PTCD1: variants seen among roughly 807,000 people sequenced by gnomAD.
PTCD1 encodes pentatricopeptide repeat-containing protein 1, mitochondrial.
A neutral mutation model predicts 53.4 loss-of-function variants in PTCD1; 50 were observed. The ratio of observed to expected loss-of-function variants is 0.94; its 90% CI spans 0.75 to 1.19. PTCD1 has a LOEUF of 1.19. Among genes scored for constraint, PTCD1 ranks in the 50% most tolerant of loss-of-function variants. The probability of loss-of-function intolerance (pLI) is 0.00; values close to 1 mark genes in which losing one functional copy is unlikely to be tolerated. For synonymous variants in PTCD1, 413 were observed against 394.8 expected, an observed-to-expected ratio of 1.05 and a Z score of -0.55; for missense variants, 918 against 904.8, an observed-to-expected ratio of 1.01 and a Z score of -0.19.
chr7:99,425,312 G>C lies in PTCD1; in HGVS notation c.1220C>G (p.Pro407Arg). The C allele has an allele frequency of 6.2e-7, 1 of 1,614,154 alleles. No homozygotes were observed. The highest frequency in any genetic ancestry group is 8.5e-7 in the Non-Finnish European group (1 of 1,180,026). ...GPPEPPEARVPGKAQPEVDTK... is the reference protein window; with the variant it reads ...GPPEPPEARVRGKAQPEVDTK... ...ATCCACCTCTGGTTGGGCCTTGCCG[G>C]GCACTCTGGCTTCCGGAGGCTCTGG... Residue 407 changes from proline to arginine, a missense_variant, in exon 6 of 8, where the codon CCC becomes CGC. By Grantham distance (103) the Pro-to-Arg change is moderately radical. Transcript: ENST00000292478.
chr7:99,437,691 C>T (rs754083407), intron 1 of PTCD1, among the ~76,000 whole-genome samples: 5 of 151,904 alleles, frequency 3.3e-5, no homozygotes, highest in African/African-American at 4.8e-5. Flanking sequence ...GGTTTTTTTG[C>T]GTCTCACTCT....
intron 5 of PTCD1, among the ~76,000 whole-genome samples, chr7:99,427,653 G>A (rs1418962054): frequency 2.0e-5 from 3 of 152,152 alleles, no homozygotes; most frequent in African/African-American, 7.2e-5. Flanking sequence ...GCGGTTTTGT[G>A]GAATAGAAAG....
chr7:99,427,580 G>C (rs1398682617), intron 5 of PTCD1, among the ~76,000 whole-genome samples: 1 of 152,152 alleles, frequency 6.6e-6, no homozygotes. Context: ...CCCTCTGCCC[G>C]GCCACCACCC....
chr7:99,431,370 C>T (rs934140337), intron 3 of PTCD1, among the ~76,000 whole-genome samples: 8 of 152,014 alleles, frequency 5.3e-5, no homozygotes, highest in Non-Finnish European at 8.8e-5. Flanking sequence ...CCTCGTGATC[C>T]GCCCACTTTG....
At chr7:99,431,526 G>A (rs1325306293) in intron 3 of PTCD1, among the ~76,000 whole-genome samples, 1 of 152,156 alleles carries the variant, frequency 6.6e-6, no homozygotes, top group Non-Finnish European at 1.5e-5. Flanking sequence ...TGGACCACTT[G>A]AGGTCAAGAG....
chr7:99,429,862 A>T, intron 3 of PTCD1, 56 bp from the exon 4 acceptor site: 1 of 1,602,678 alleles, frequency 6.2e-7, no homozygotes, highest in Non-Finnish European at 8.5e-7. Flanking sequence ...CGCACAGGTG[A>T]GCAGCTGCCC....
chr7:99,417,855 T>C lies in PTCD1; in HGVS notation c.*2112A>G, dbSNP rs1790786040. On this transcript the variant is annotated 3_prime_UTR_variant, in exon 8 of 8. Coordinates refer to ENST00000292478, the MANE Select transcript of PTCD1 (RefSeq NM_015545.4). ...TGAACCCCTTTCCTCACTTAGGAAATGGTGGTGGGGAGCCCTAATCCCAAG... is the reference window on the plus strand; with the variant it reads ...TGAACCCCTTTCCTCACTTAGGAAACGGTGGTGGGGAGCCCTAATCCCAAG... The C allele has an allele frequency of 1.4e-6, 2 of 1,419,540 alleles. No homozygotes were observed. The highest frequency in any genetic ancestry group is 2.8e-5 in the South Asian group (2 of 71,076). The allele number at this position is 1,419,540 out of a possible 1,614,324, so 87.9% of individuals were successfully genotyped here. A position where few individuals can be genotyped will look rare whatever the true frequency, so the allele number is the denominator to read the frequency against.
At chr7:99,433,569 G>T in intron 2 of PTCD1, 151 bp from the exon 3 acceptor site, 1 of 1,476,562 alleles carries the variant, frequency 6.8e-7, no homozygotes, top group Non-Finnish European at 9.2e-7. Flanking sequence ...AGCTGTTTCT[G>T]CCCCATCCCT....
chr7:99,420,689 G>T (rs1230045021), intron 7 of PTCD1, among the ~76,000 whole-genome samples: 1 of 152,258 alleles, frequency 6.6e-6, no homozygotes, highest in East Asian at 1.9e-4. Context: ...GGGTGCGGTG[G>T]CTCACGTCTG....
intron 7 of PTCD1, 59 bp downstream of exon 7, chr7:99,423,716 G>A (rs193284423): frequency 6.2e-7 from 1 of 1,609,676 alleles, no homozygotes; most frequent in Admixed American, 1.7e-5. Flanking sequence ...GTTGGGTGGT[G>A]GGGGGAGGGG....
At position 99,422,332 on chromosome 7, in the gene PTCD1, C is replaced by T. The variant is rs10235168; in HGVS notation, c.1920+1443G>A. 8.1e-3 allele frequency among the ~76,000 whole-genome samples: 1,241 copies of T among 152,296 alleles called. 13 individuals are homozygous for T. Among genetic ancestry groups the T allele is most frequent in the African/African-American group, 0.028 (1,166 of 41,548 alleles). ...GCCCATTTACTTGTTTCCGCCCCAT[C>T]CGGGCTGTGCTTCAAGCCATAGTGG... On this transcript the variant is annotated intron_variant, in intron 7 of 7. Transcript: ENST00000292478.
At chr7:99,432,607 CG>C (rs1216383658) in intron 3 of PTCD1, among the ~76,000 whole-genome samples, 3 of 152,194 alleles carry the variant, frequency 2.0e-5, no homozygotes, top group African/African-American at 7.2e-5. Flanking sequence ...CCTCCGTATG[CG>C]CAGGTCCTCC....
rs1342573919 is a variant in PTCD1 at position 99,424,803 on chromosome 7, C to A, written c.1729G>T (p.Asp577Tyr). The stretch of plus-strand genomic sequence containing the variant: ...GGCCCGAGTCCACTCACCTTCATGT[C>A]TGTGAGAAGCTGTAGACCGTCCTTC... ...RPKDGLQLLT[D>Y]MKKSQVTPNT... Residue 577 changes from aspartate to tyrosine, a missense_variant, in exon 6 of 8, where the codon GAC (aspartate) becomes TAC (tyrosine). By Grantham distance (160) the Asp-to-Tyr change is radical. Coordinates refer to ENST00000292478, the MANE Select transcript of PTCD1 (RefSeq NM_015545.4). The A allele has an allele frequency of 6.2e-7, 1 of 1,614,218 alleles. No homozygotes were observed. Among genetic ancestry groups the A allele is most frequent in the African/African-American group, 1.3e-5 (1 of 75,068 alleles).
At chr7:99,437,398 G>A (rs759698014) in intron 1 of PTCD1, among the ~76,000 whole-genome samples, 18 of 151,166 alleles carry the variant, frequency 1.2e-4, no homozygotes, top group African/African-American at 2.4e-4. Context: ...TCCGCCTCCC[G>A]GATTCAAGCG....
Position 99,424,894 on chromosome 7 carries a change from C to T in PTCD1, c.1638G>A (p.Leu546=). 2 of 1,614,276 alleles carry T rather than the reference C, an allele frequency of 1.2e-6. No homozygotes were observed. The highest frequency in any genetic ancestry group is 2.2e-5 in the South Asian group (2 of 91,090). ...LEGAKALLPV[L]AKRGLVPNLQ... is the part of the protein sequence containing the mutation. Reference sequence around the variant, plus strand: ...GGTTGGGGACGAGGCCCCTCTTTGCCAGGACCGGCAACAGCGCCTTGGCCC... The same window carrying T: ...GGTTGGGGACGAGGCCCCTCTTTGCTAGGACCGGCAACAGCGCCTTGGCCC... Residue 546 remains leucine (L), a synonymous_variant, in exon 6 of 8, where the codon CTG becomes CTA. Coordinates refer to ENST00000292478, the MANE Select transcript of PTCD1 (RefSeq NM_015545.4).
Position 99,417,449 on chromosome 7 carries a change from AAAG to A in PTCD1, c.*2515_*2517del. On this transcript the variant is annotated 3_prime_UTR_variant, in exon 8 of 8. Transcript: ENST00000292478. ...GACAGAACTCTATGAATATTGTATT[AAAG>A]AAGGCTATGCAGACAAAAACCTGAT... 1.2e-6 allele frequency: 2 copies of A among 1,613,858 alleles called. No individual in the cohort carries two copies. The highest frequency in any genetic ancestry group is 1.7e-6 in the Non-Finnish European group (2 of 1,179,874).
intron 1 of PTCD1, among the ~76,000 whole-genome samples, chr7:99,437,398 G>C (rs759698014): frequency 3.4e-4 from 51 of 151,060 alleles, no homozygotes; most frequent in Non-Finnish European, 6.9e-4. Context: ...TCCGCCTCCC[G>C]GATTCAAGCG....
chr7:99,434,194 C>G (rs1020492071), intron 2 of PTCD1, among the ~76,000 whole-genome samples: 21 of 150,256 alleles, frequency 1.4e-4, no homozygotes, highest in Non-Finnish European at 2.9e-4. Context: ...GTTTGTAGTC[C>G]CAGCATTTCG....
In PTCD1 at chr7:99,425,432, G is replaced by A. The variant is rs1401342670; in HGVS notation, c.1100C>T (p.Ala367Val). Residue 367 changes from alanine to valine, a missense_variant, in exon 6 of 8, where the codon GCC (alanine) becomes GTC (valine). Coordinates refer to ENST00000292478, the MANE Select transcript of PTCD1 (RefSeq NM_015545.4). The stretch of plus-strand genomic sequence containing the variant: ...CATGAGGTTGCCTGCCTTGGCCTGG[G>A]CTGTCCTCCTTGGCCGCTGCCTGCT... ...PVSRQRPRRT[A>V]QAKAGNLMSA... 2.5e-6 allele frequency: 4 copies of A among 1,613,890 alleles called. No homozygotes were observed. The highest frequency in any genetic ancestry group is 3.4e-6 in the Non-Finnish European group (4 of 1,180,034).
Sources: gnomAD v4.1 joint callset for allele counts (sites outside exome capture counted in the v4.1 genomes callset) on GRCh38, gnomAD v4.1.1 for gene constraint, MANE v1.5 for transcripts, NCBI Gene and HGNC (gene_info 2026-07-23, HGNC 2026-07-21) for gene names.